PCGF3: variants seen among roughly 807,000 people sequenced by gnomAD.
PCGF3 encodes the protein polycomb group ring finger 3.
A neutral mutation model predicts 33.1 loss-of-function variants in PCGF3; 7 were observed. The observed-to-expected ratio is 0.21, with a 90% CI of 0.12 to 0.40. The LOEUF (loss-of-function observed/expected upper bound fraction) is 0.40, where lower values mean the gene tolerates loss of function less well. PCGF3 is among the 10% of genes least tolerant of loss of function. The pLI is 1.00. For missense variants in PCGF3, 211 were observed against 313.3 expected (o/e 0.67, Z 2.46); for synonymous variants, 153 against 121.3 (o/e 1.26, Z -1.72).
At chr4:714,412 G>C (rs1383532431) in intron 1 of PCGF3, among the ~76,000 whole-genome samples, 3 of 152,220 alleles carry the variant, frequency 2.0e-5, no homozygotes, top group Non-Finnish European at 4.4e-5. Context: ...CTGGGAAGGT[G>C]AGTCCCACCT....
intron 8 of PCGF3, among the ~76,000 whole-genome samples, chr4:749,857 A>T (rs2152601793): frequency 6.6e-6 from 1 of 151,370 alleles, no homozygotes; most frequent in East Asian, 2.0e-4. Flanking sequence ...TGGCTCTCTC[A>T]CCCAACCTGG....
chr4:753,093 G>A (rs1377016125), intron 8 of PCGF3, among the ~76,000 whole-genome samples: 1 of 152,254 alleles, frequency 6.6e-6, no homozygotes, highest in East Asian at 1.9e-4. Context: ...CACCTGAGCT[G>A]CCAGGTGGCC....
chr4:760,792 C>G (rs1274899995), intron 8 of PCGF3, among the ~76,000 whole-genome samples: 1 of 152,250 alleles, frequency 6.6e-6, no homozygotes, highest in Non-Finnish European at 1.5e-5. Flanking sequence ...TTAACAGTCA[C>G]TTTTTATCCT....
At chr4:767,149 G>A (rs572495069) in exon 11 of PCGF3, 15 of 152,368 alleles carry the variant, frequency 9.8e-5, no homozygotes, top group Middle Eastern at 3.4e-3. Context: ...GAGCTGCAGG[G>A]ACAGGGTGAG....
rs1027544537 is a variant in PCGF3 at position 753,753 on chromosome 4, G to C, written c.463-7526G>C. Among the ~76,000 whole-genome samples, 13 of 152,126 alleles carry C rather than the reference G, an allele frequency of 8.5e-5. No homozygotes were observed. The South Asian group carries it at 1.9e-3, about 22-fold the overall frequency. ...GCCTAAGCTCAGGAGTGCGAGACCA[G>C]CCTGGGCAACAAGGTGAAACCCCGT... On this transcript the variant is annotated intron_variant, in intron 8 of 10. Coordinates refer to ENST00000362003, the Ensembl canonical transcript of PCGF3.
intron 3 of PCGF3, 36 bp downstream of exon 3, chr4:731,146 T>G (rs1743538673): frequency 2.5e-6 from 1 of 398,498 alleles, no homozygotes; most frequent in South Asian, 1.3e-4. Context: ...GGGGTCCTGC[T>G]GACTCCTTGC....
intron 6 of PCGF3, among the ~76,000 whole-genome samples, chr4:741,606 A>G (rs1345682859): frequency 1.3e-5 from 2 of 151,984 alleles, no homozygotes; most frequent in Non-Finnish European, 1.5e-5. Context: ...CGGGGGTTTC[A>G]CCATGTTGGC....
intron 5 of PCGF3, among the ~76,000 whole-genome samples, chr4:735,854 G>A (rs894078101): frequency 2.0e-5 from 3 of 152,192 alleles, no homozygotes; most frequent in Admixed American, 6.5e-5. Context: ...GTCAGCAGGA[G>A]GCCAAGGGGC....
At chr4:716,788 C>G (rs1383542678) in intron 1 of PCGF3, among the ~76,000 whole-genome samples, 45 of 116,852 alleles carry the variant, frequency 3.9e-4, no homozygotes, top group Non-Finnish European at 6.0e-4. Flanking sequence ...AACTGGGCGT[C>G]GGTGCTGGGA....
intron 6 of PCGF3, among the ~76,000 whole-genome samples, 170 bp from the exon 7 acceptor site, chr4:743,304 C>T (rs1744173755): frequency 6.6e-6 from 1 of 152,306 alleles, no homozygotes; most frequent in African/African-American, 2.4e-5. Flanking sequence ...GTGCGCTTCC[C>T]GCTGTGCTGA....
intron 1 of PCGF3, among the ~76,000 whole-genome samples, chr4:714,907 C>T (rs1474750734): frequency 1.8e-4 from 27 of 152,332 alleles, no homozygotes; most frequent in Non-Finnish European, 3.2e-4. Context: ...AACTGGGCGT[C>T]GGTTCTGGGA....
At chr4:707,691 C>A (rs1387797968) in intron 1 of PCGF3, among the ~76,000 whole-genome samples, 7 of 117,392 alleles carry the variant, frequency 6.0e-5, no homozygotes, top group Admixed American at 2.5e-4. Context: ...CTCTGTTTTC[C>A]CCTGGGGGCC....
At chr4:765,903 GTC>G (rs1745343884) in intron 10 of PCGF3, 127 bp from the exon 11 acceptor site, 3 of 786,036 alleles carry the variant, frequency 3.8e-6, no homozygotes, top group Middle Eastern at 2.5e-4. Flanking sequence ...GAACAGAAGG[GTC>G]TCTGTGCAGC....
intron 8 of PCGF3, among the ~76,000 whole-genome samples, chr4:755,963 G>T (rs953485779): frequency 5.1e-5 from 7 of 137,274 alleles, no homozygotes; most frequent in Non-Finnish European, 9.1e-5. Flanking sequence ...GCCCAGGCTG[G>T]AGTGCAAGGC....
At chr4:737,353 C>A in intron 5 of PCGF3, 113 bp from the exon 6 acceptor site, 1 of 726,746 alleles carries the variant, frequency 1.4e-6, no homozygotes. Context: ...AAGTAAAATT[C>A]CAACAAAGCT....
intron 5 of PCGF3, among the ~76,000 whole-genome samples, chr4:737,201 G>A (rs988613990): frequency 6.6e-6 from 1 of 152,114 alleles, no homozygotes; most frequent in African/African-American, 2.4e-5. Flanking sequence ...TGGGGTGTCC[G>A]GCAGACAGAA....
rs1396113692 is a variant in PCGF3 at position 721,906 on chromosome 4, A to G, written c.-189-8724A>G. 7.5e-6 allele frequency among the ~76,000 whole-genome samples: 1 copy of G among 134,192 alleles called. No homozygotes were observed. Among genetic ancestry groups the G allele is most frequent in the African/African-American group, 3.0e-5 (1 of 33,348 alleles). The allele number at this position is 134,192 out of a possible 152,430, so 88.0% of individuals were successfully genotyped here. A position where few individuals can be genotyped will look rare whatever the true frequency, so the allele number is the denominator to read the frequency against. On this transcript the variant is annotated intron_variant, in intron 1 of 10. Transcript: ENST00000362003. The surrounding 1 kb of genome is among the most constrained non-coding windows in gnomAD (Gnocchi z 4.1). ...TGGCTCTGCGTGTGGGCGTGGAGAG[A>G]GGCCTGTGGGAGGTGGGTGGACATG...
At chr4:739,364 T>A (rs1227541400) in intron 6 of PCGF3, among the ~76,000 whole-genome samples, 1 of 152,140 alleles carries the variant, frequency 6.6e-6, no homozygotes, top group African/African-American at 2.4e-5. Context: ...CCATCCTGGC[T>A]AATTTTTTGT....
chr4:752,997 G>A lies in PCGF3; in HGVS notation c.463-8282G>A, dbSNP rs1354972422. ...GTCCTCTGTCGAACCACAAAGGTTT[G>A]TGTTTGAGATTAGCTCCATTACCTG... On this transcript the variant is annotated intron_variant, in intron 8 of 10. Coordinates refer to ENST00000362003, the Ensembl canonical transcript of PCGF3. Among the ~76,000 whole-genome samples the A allele has an allele frequency of 2.6e-5, 4 of 152,366 alleles. No homozygotes were observed. The South Asian group carries it at 6.2e-4, about 24-fold the overall frequency.
Sources: gnomAD v4.1 joint callset for allele counts (sites outside exome capture counted in the v4.1 genomes callset) on GRCh38, gnomAD v4.1.1 for gene constraint, Gnocchi (gnomAD v3.1) non-coding constraint, MANE v1.5 for transcripts, NCBI Gene and HGNC (gene_info 2026-07-23, HGNC 2026-07-21) for gene names.